The following PLK4 variants were observed in gnomAD, a reference collection of about 807,000 sequenced individuals.
PLK4 encodes serine/threonine-protein kinase PLK4.
In PLK4, 51 loss-of-function variants were observed where a neutral mutation model predicts 103.0. The observed-to-expected ratio is 0.50, with a 90% CI of 0.40 to 0.63. The LOEUF (loss-of-function observed/expected upper bound fraction) is 0.63, where lower values mean the gene tolerates loss of function less well. Among genes scored for constraint, PLK4 ranks in the 20% least tolerant of loss-of-function variants. PLK4 has a pLI of 0.00. For synonymous variants in PLK4, 389 were observed against 376.8 expected, an observed-to-expected ratio of 1.03 and a Z score of -0.38; for missense variants, 1,054 against 1,151.0, an observed-to-expected ratio of 0.92 and a Z score of 1.22.
chr4:127,886,812 TACCAGGGAA>T, intron 5 of PLK4, 84 bp downstream of exon 5: 2 of 771,400 alleles, frequency 2.6e-6, no homozygotes, highest in South Asian at 4.5e-5. Flanking sequence ...AGCGGGGGGA[TACCAGGGAA>T]ATGAATGTCT....
chr4:127,896,781 C>T lies in PLK4; in HGVS notation c.2704-20C>T, dbSNP rs1735582145. On this transcript the variant is annotated intron_variant, in intron 14 of 15. Transcript: ENST00000270861. ...TTTTTTTTCTGTGCCTGTTCTTACCCATGCTTATTATTTTTCTAGTTAACT... is the reference window on the plus strand; with the variant it reads ...TTTTTTTTCTGTGCCTGTTCTTACCTATGCTTATTATTTTTCTAGTTAACT... The T allele has an allele frequency of 5.6e-6, 8 of 1,432,666 alleles. No individual in the cohort carries two copies. Among genetic ancestry groups the T allele is most frequent in the South Asian group, 2.3e-5 (2 of 85,944 alleles). 88.7% of individuals were successfully genotyped at this position (1,432,666 alleles called of 1,614,324 possible).
Position 127,895,029 on chromosome 4 carries a change from G to C in PLK4, c.2639G>C (p.Cys880Ser), listed in dbSNP as rs779829924. The C allele has an allele frequency of 1.2e-6, 2 of 1,611,676 alleles. No homozygotes were observed. Among genetic ancestry groups the C allele is most frequent in the South Asian group, 2.2e-5 (2 of 90,836 alleles). Residue 880 changes from cysteine (C) to serine (S), a missense_variant, in exon 14 of 16, where the codon TGT (cysteine) becomes TCT (serine). Physicochemically the swap from Cys to Ser is moderately radical, Grantham distance 112. Transcript: ENST00000270861. ...ATCTCTTCTAATAGTCTAAAAGATT[G>C]TCTTCCTAAATCAGCACAACTTTTG... Reference protein sequence around the residue: ...TDISSNSLKDCLPKSAQLLKS... With the variant: ...TDISSNSLKDSLPKSAQLLKS...
chr4:127,881,259 CTGCGGGGCGGGCACCGAGG>C, intron 1 of PLK4, 95 bp downstream of exon 1: 2 of 1,592,996 alleles, frequency 1.3e-6, no homozygotes, highest in Non-Finnish European at 1.7e-6. Flanking sequence ...AAGCTAACGG[CTGCGGGGCGGGCACCGAGG>C]TGCTTAGGGA....
At position 127,887,432 on chromosome 4, in the gene PLK4, A is replaced by G. The variant is rs780218693; in HGVS notation, c.1395A>G (p.Pro465=). 5 of 1,611,994 alleles carry G rather than the reference A, an allele frequency of 3.1e-6. No homozygotes were observed. The South Asian group carries it at 3.3e-5, about 11-fold the overall frequency. Residue 465 remains proline (P), a synonymous_variant, in exon 6 of 16, where the codon CCA becomes CCG. Transcript: ENST00000270861. ...TTTGTCCAGGAAAAACTCCTTTTCC[A>G]TTTGCAGACCCGACACCTCAGACTG... ...NHLCPGKTPF[P]FADPTPQTET...
chr4:127,882,756 T>C (rs1734977647), intron 2 of PLK4, among the ~76,000 whole-genome samples: 1 of 150,878 alleles, frequency 6.6e-6, no homozygotes, highest in Admixed American at 6.6e-5. Flanking sequence ...TAAATTCCCA[T>C]CTCAAAAAAA....
In PLK4 at chr4:127,898,601, A is replaced by T; in HGVS notation, c.*60A>T. The T allele has an allele frequency of 9.7e-6, 8 of 822,868 alleles. No homozygotes were observed. The highest frequency in any genetic ancestry group is 1.6e-5 in the Non-Finnish European group (8 of 496,486). 51.0% of individuals were successfully genotyped at this position (822,868 alleles called of 1,614,324 possible). On this transcript the variant is annotated 3_prime_UTR_variant, in exon 16 of 16. Coordinates refer to ENST00000270861, the MANE Select transcript of PLK4 (RefSeq NM_014264.5). The stretch of plus-strand genomic sequence containing the variant: ...TAACTTTTTTGTTGACTTTCAAGTA[A>T]AGTGATTTTTTTTAATTTAACATAA...
rs1735683289 is a variant in PLK4 at position 127,899,069 on chromosome 4, T to A, written c.*528T>A. 6.6e-6 allele frequency: 1 copy of A among 152,366 alleles called. No homozygotes were observed. Among genetic ancestry groups the A allele is most frequent in the African/African-American group, 2.4e-5 (1 of 41,452 alleles). 9.4% of individuals were successfully genotyped at this position (152,366 alleles called of 1,614,324 possible). ...ATAAAAAAATAAATATAGTGATAAG[T>A]TACATTATCTTTTGATTCATTTAAT... is the stretch of plus-strand genomic sequence containing the variant. On this transcript the variant is annotated 3_prime_UTR_variant, in exon 16 of 16. Transcript: ENST00000270861.
rs756758987 is a variant in PLK4 at position 127,891,079 on chromosome 4, T to C, written c.1831-13T>C. The C allele has an allele frequency of 1.3e-6, 2 of 1,483,712 alleles. No homozygotes were observed. The highest frequency in any genetic ancestry group is 2.8e-5 in the African/African-American group (2 of 70,670). 91.9% of individuals were successfully genotyped at this position (1,483,712 alleles called of 1,614,324 possible). ...AAGAATTATTACTGATTTTGGGTTT[T>C]TTTTTTTTTTAGGTGAGCATACTTG... On this transcript the variant is annotated splice_polypyrimidine_tract_variant and intron_variant, in intron 7 of 15. Transcript: ENST00000270861.
intron 14 of PLK4, among the ~76,000 whole-genome samples, chr4:127,895,630 C>T (rs1735539439): frequency 6.6e-6 from 1 of 151,650 alleles, no homozygotes; most frequent in Non-Finnish European, 1.5e-5. Flanking sequence ...ACCATGTTAG[C>T]CAGGATGGTC....
At position 127,881,763 on chromosome 4, in the gene PLK4, TC is replaced by T. The variant is rs991968831; in HGVS notation, c.31-66del. 3.9e-5 allele frequency: 37 copies of T among 944,798 alleles called. 1 individual carries two copies. In the African/African-American group the frequency reaches 5.1e-4, roughly 13 times the overall value. 58.5% of individuals were successfully genotyped at this position (944,798 alleles called of 1,614,324 possible). On this transcript the variant is annotated intron_variant, in intron 1 of 15. Coordinates refer to ENST00000270861, the MANE Select transcript of PLK4 (RefSeq NM_014264.5). ...CACTCGATCCATTTTATCTTCTTTT[TC>T]CAGCCCCTTCCCATCTTCCTTTCTA...
chr4:127,897,824 C>CTT (rs200741150), intron 15 of PLK4, among the ~76,000 whole-genome samples: 575 of 28,760 alleles, frequency 0.02, 248 homozygotes, highest in African/African-American at 0.039. Context: ...AGAATTAGGG[C>CTT]TTTTTTTTTT....
intron 4 of PLK4, among the ~76,000 whole-genome samples, chr4:127,884,556 C>G (rs936972527): frequency 2.6e-5 from 4 of 152,312 alleles, no homozygotes; most frequent in South Asian, 2.1e-4. Context: ...GTAATCCCAG[C>G]ACCTTGGGGG....
At chr4:127,881,472 T>C (rs1347817703) in intron 1 of PLK4, 1 of 1,098,190 alleles carries the variant, frequency 9.1e-7, no homozygotes, top group Non-Finnish European at 1.2e-6. Context: ...TACCTCCCAC[T>C]TCTCCAAGGG....
rs1182011204 is a variant in PLK4 at position 127,895,183 on chromosome 4, T to C, written c.2703+90T>C. The C allele has an allele frequency of 2.0e-5, 17 of 860,130 alleles. No homozygotes were observed. In the South Asian group the frequency reaches 2.3e-4, roughly 12 times the overall value. The allele number at this position is 860,130 out of a possible 1,614,324, so 53.3% of individuals were successfully genotyped here. ...GACAATTACCAAAAAATACAAATTATTGTAATGATATCTTTTTACAAGGAA... is the reference window on the plus strand; with the variant it reads ...GACAATTACCAAAAAATACAAATTACTGTAATGATATCTTTTTACAAGGAA... On this transcript the variant is annotated intron_variant, in intron 14 of 15. Transcript: ENST00000270861.
rs147138228 is a variant in PLK4, at chr4:127,889,756, A to G, written c.1460-110A>G. 50 of 765,692 alleles carry G rather than the reference A, an allele frequency of 6.5e-5. No homozygotes were observed. The East Asian group carries it at 1.3e-3, about 20-fold the overall frequency. 47.4% of individuals were successfully genotyped at this position (765,692 alleles called of 1,614,324 possible). A position where few individuals can be genotyped will look rare whatever the true frequency, so the allele number is the denominator to read the frequency against. On this transcript the variant is annotated intron_variant, in intron 6 of 15. Transcript: ENST00000270861. ...AGCTCTTATTGTTTTGTTTTTTGTA[A>G]CTAGAATTCTTTTGTTCAAAAAATG...
intron 7 of PLK4, among the ~76,000 whole-genome samples, chr4:127,890,453 A>T (rs1487287936): frequency 6.6e-6 from 1 of 152,144 alleles, no homozygotes; most frequent in Non-Finnish European, 1.5e-5. Flanking sequence ...TAAGTTTTGA[A>T]TTTTAAATTA....
Position 127,896,858 on chromosome 4 carries a change from G to A in PLK4, c.2761G>A (p.Ala921Thr). Reference protein sequence around the residue: ...FNDGSQLVVQAGVSSISYTSP... With the variant: ...FNDGSQLVVQTGVSSISYTSP... The stretch of plus-strand genomic sequence containing the variant: ...TGATGGGTCCCAGTTGGTTGTGCAG[G>A]CAGGAGTGTCTTCTATCAGTTATAC... Residue 921 changes from alanine to threonine, a missense_variant, in exon 15 of 16, where the codon GCA (alanine) becomes ACA (threonine). Around this residue, in one of 4 missense-constraint regions of PLK4, gnomAD observed 167 missense variants for 200.7 expected, o/e 0.83. Coordinates refer to ENST00000270861, the MANE Select transcript of PLK4 (RefSeq NM_014264.5). 1 of 1,612,698 alleles carries A rather than the reference G, an allele frequency of 6.2e-7. No homozygotes were observed. The highest frequency in any genetic ancestry group is 2.2e-5 in the East Asian group (1 of 44,828).
Position 127,885,715 on chromosome 4 carries a change from C to T in PLK4, c.345C>T (p.His115=), listed in dbSNP as rs1393928803. 6.2e-7 allele frequency: 1 copy of T among 1,606,262 alleles called. No individual in the cohort carries two copies. ...VKPFSENEAR[H]FMHQIITGML... ...TTTTTAAAATCCTAACAGCTCGACA[C>T]TTCATGCACCAGATCATCACAGGGA... Residue 115 remains histidine, a synonymous_variant, in exon 5 of 16, where the codon CAC becomes CAT. Coordinates refer to ENST00000270861, the MANE Select transcript of PLK4 (RefSeq NM_014264.5).
In PLK4 at chr4:127,893,872, T is replaced by G; in HGVS notation, c.2553T>G (p.Leu851=). The part of the protein sequence containing the change: ...SAASPTQAPI[L]NPSMVTNEGL... ...CTTCTCCAACACAGGCACCAATCCT[T>G]AATCCCTCTGTAAGTAAATATATGT... Residue 851 remains leucine, a synonymous_variant, in exon 13 of 16, where the codon CTT becomes CTG. Coordinates refer to ENST00000270861, the MANE Select transcript of PLK4 (RefSeq NM_014264.5). 6.6e-7 allele frequency: 1 copy of G among 1,505,890 alleles called. No individual in the cohort carries two copies. 93.3% of individuals were successfully genotyped at this position (1,505,890 alleles called of 1,614,324 possible).
Sources: gnomAD v4.1 joint callset for allele counts (sites outside exome capture counted in the v4.1 genomes callset) on GRCh38, gnomAD v4.1.1 for gene constraint, gnomAD v4.1.1 regional missense constraint, MANE v1.5 for transcripts, NCBI Gene and HGNC (gene_info 2026-07-23, HGNC 2026-07-21) for gene names.